The following FMNL1 variants were observed in gnomAD, a reference collection of about 807,000 sequenced individuals.
FMNL1 encodes formin like 1.
A neutral mutation model predicts 121.3 loss-of-function variants in FMNL1; 43 were observed. The ratio of observed to expected loss-of-function variants is 0.35; its 90% CI spans 0.28 to 0.46. The LOEUF is 0.46. Ranked by LOEUF, FMNL1 falls within the 20% of genes least tolerant of loss-of-function variation. The pLI, the probability that FMNL1 is intolerant of heterozygous loss-of-function variation, is 1.00. For synonymous variants in FMNL1, 613 were observed against 613.5 expected (o/e 1.00, Z 0.01); for missense variants, 1,191 against 1,482.4 (o/e 0.80, Z 3.23).
Position 45,237,418 on chromosome 17 carries a change from C to T in FMNL1, c.800+61C>T, listed in dbSNP as rs2043575386. The T allele has an allele frequency of 6.2e-7, 1 of 1,610,224 alleles. No homozygotes were observed. Among genetic ancestry groups the T allele is most frequent in the East Asian group, 2.2e-5 (1 of 44,878 alleles). ...GAGTCTTCTCCTACTTAGCCCCTTG[C>T]TTACTCTGTCCTCCAGGTCTCAGAG... is the stretch of plus-strand genomic sequence containing the variant. On this transcript the variant is annotated intron_variant, in intron 8 of 26. Coordinates refer to ENST00000331495, the MANE Select transcript of FMNL1 (RefSeq NM_005892.4). The surrounding 1 kb of genome is among the most constrained non-coding windows in gnomAD (Gnocchi z 4.4).
At chr17:45,235,735 A>C (rs1447856748) in intron 6 of FMNL1, among the ~76,000 whole-genome samples, 2 of 152,164 alleles carry the variant, frequency 1.3e-5, no homozygotes, top group Non-Finnish European at 2.9e-5. Context: ...AGGGATAGGG[A>C]GATTAAGTGA....
At position 45,241,052 on chromosome 17, in the gene FMNL1, A is replaced by T; in HGVS notation, c.1231-77A>T. On this transcript the variant is annotated intron_variant, in intron 12 of 26. Coordinates refer to ENST00000331495, the MANE Select transcript of FMNL1 (RefSeq NM_005892.4). The surrounding 1 kb of genome is among the most constrained non-coding windows in gnomAD (Gnocchi z 7.0). ...GCCTCCCCCAGTCTTCCAGGCAGGCATGCCTGATGCCGCCCCCTCACCGGC... is the reference window on the plus strand; with the variant it reads ...GCCTCCCCCAGTCTTCCAGGCAGGCTTGCCTGATGCCGCCCCCTCACCGGC... The T allele has an allele frequency of 3.8e-6, 6 of 1,564,174 alleles. No homozygotes were observed. Among genetic ancestry groups the T allele is most frequent in the Non-Finnish European group, 5.3e-6 (6 of 1,142,516 alleles).
At chr17:45,234,509 C>T (rs2043508805) in intron 6 of FMNL1, 34 of 366,790 alleles carry the variant, frequency 9.3e-5, no homozygotes, top group South Asian at 7.3e-4. Flanking sequence ...TACTAAAATA[C>T]AAAAATTAGC....
At chr17:45,222,648 T>C (rs1424801753) in intron 1 of FMNL1, among the ~76,000 whole-genome samples, 1 of 151,946 alleles carries the variant, frequency 6.6e-6, no homozygotes, top group Non-Finnish European at 1.5e-5. Context: ...GAGTCAAAGA[T>C]GAAAGGGTTA....
At position 45,242,088 on chromosome 17, in the gene FMNL1, G is replaced by A. The variant is rs187366121; in HGVS notation, c.1827G>A (p.Pro609=). The change falls in exon 15 of 27, where the codon CCG becomes CCA. Residue 609 remains proline, a synonymous_variant. Coordinates refer to ENST00000331495, the MANE Select transcript of FMNL1 (RefSeq NM_005892.4). The part of the protein sequence containing the change: ...GPVPPPPPPP[P]PPPGGPPDAL... ...TGCCTCCGCCGCCGCCGCCGCCGCC[G>A]CCGCCTCCCGGAGGTCCTCCTGATG... is the stretch of plus-strand genomic sequence containing the variant. 1,101 of 1,482,196 alleles carry A rather than the reference G, an allele frequency of 7.4e-4. 7 individuals carry two copies. In the African/African-American group the frequency reaches 0.014, roughly 19 times the overall value. 91.8% of individuals were successfully genotyped at this position (1,482,196 alleles called of 1,614,324 possible).
rs1401363805 is a variant in FMNL1 at position 45,222,215 on chromosome 17, G to A, written c.91G>A (p.Ala31Thr). The change falls in exon 1 of 27, where the codon GCG (alanine) becomes ACG (threonine). Residue 31 changes from alanine to threonine, a missense_variant. Coordinates refer to ENST00000331495, the MANE Select transcript of FMNL1 (RefSeq NM_005892.4). ...QPAPPKQPMP[A>T]AGELEERFNR... ...CGCGCCTCCCAAGCAGCCGATGCCCGCGGCCGGAGAGCTGGAGGAGAGGTT... is the reference window on the plus strand; with the variant it reads ...CGCGCCTCCCAAGCAGCCGATGCCCACGGCCGGAGAGCTGGAGGAGAGGTT... 2 of 1,239,642 alleles carry A rather than the reference G, an allele frequency of 1.6e-6. No individual in the cohort carries two copies. The highest frequency in any genetic ancestry group is 2.5e-5 in the South Asian group (1 of 39,758). The allele number at this position is 1,239,642 out of a possible 1,614,324, so 76.8% of individuals were successfully genotyped here.
chr17:45,232,861 C>G (rs752261914), intron 3 of FMNL1: 15 of 556,540 alleles, frequency 2.7e-5, no homozygotes, highest in Non-Finnish European at 4.5e-5. Context: ...GTGTGTGTGT[C>G]CATGTATGGA....
chr17:45,240,713 A>T (rs2043669310), intron 12 of FMNL1, 88 bp downstream of exon 12: 1 of 1,495,856 alleles, frequency 6.7e-7, no homozygotes, highest in South Asian at 1.3e-5. Context: ...GGCACTGGGC[A>T]GCAGACAGTG....
At chr17:45,239,289 A>G in intron 11 of FMNL1, 1 of 551,850 alleles carries the variant, frequency 1.8e-6, no homozygotes, top group Non-Finnish European at 3.3e-6. Context: ...CTAAATGCAT[A>G]GACCAGTGCC....
Position 45,236,051 on chromosome 17 carries a change from C to T in FMNL1, c.615-85C>T, listed in dbSNP as rs2064094191. ...GTGCCGTCAGGTTCCAGATGTGCCTCCTCTTACCCCAGAGGCTGAGTGGTG... is the reference window on the plus strand; with the variant it reads ...GTGCCGTCAGGTTCCAGATGTGCCTTCTCTTACCCCAGAGGCTGAGTGGTG... On this transcript the variant is annotated intron_variant, in intron 6 of 26. Coordinates refer to ENST00000331495, the MANE Select transcript of FMNL1 (RefSeq NM_005892.4). 6.2e-6 allele frequency: 7 copies of T among 1,137,968 alleles called. No homozygotes were observed. The Admixed American group carries it at 1.4e-4, about 24-fold the overall frequency. The allele number at this position is 1,137,968 out of a possible 1,614,324, so 70.5% of individuals were successfully genotyped here.
Position 45,233,830 on chromosome 17 carries a change from G to T in FMNL1, c.485+99G>T. On this transcript the variant is annotated intron_variant, in intron 5 of 26. Coordinates refer to ENST00000331495, the MANE Select transcript of FMNL1 (RefSeq NM_005892.4). This position sits in a 1 kb window ranked among gnomAD's most constrained non-coding sequence, Gnocchi z 4.1. ...CCCCTGGCCAGTTTCAAGCCAGGCA[G>T]CCCGAGCCTACCCTGGAACCCTCCA... is the stretch of plus-strand genomic sequence containing the variant. 1 of 1,491,086 alleles carries T rather than the reference G, an allele frequency of 6.7e-7. No homozygotes were observed. 92.4% of individuals were successfully genotyped at this position (1,491,086 alleles called of 1,614,324 possible). A position where few individuals can be genotyped will look rare whatever the true frequency, so the allele number is the denominator to read the frequency against.
chr17:45,239,625 T>G (rs2043635301), intron 11 of FMNL1, among the ~76,000 whole-genome samples: 1 of 152,132 alleles, frequency 6.6e-6, no homozygotes, highest in South Asian at 2.1e-4. Context: ...GTTGGATTTT[T>G]GAAAGCCAGG....
intron 1 of FMNL1, among the ~76,000 whole-genome samples, chr17:45,227,425 G>T (rs1293829227): frequency 6.6e-6 from 1 of 152,074 alleles, no homozygotes; most frequent in African/African-American, 2.4e-5. Flanking sequence ...TCACACTCAG[G>T]GCAGGGAGGG....
rs768810674 is a variant in FMNL1 at position 45,246,250 on chromosome 17, C to G, written c.3131C>G (p.Ser1044Cys). The change falls in exon 25 of 27, where the codon TCT becomes TGT. Residue 1044 changes from serine to cysteine, a missense_variant. This residue lies in a region of FMNL1 where 367 missense variants were observed against 528.6 expected (regional missense o/e 0.69). Coordinates refer to ENST00000331495, the MANE Select transcript of FMNL1 (RefSeq NM_005892.4). ...CGGCGGCCACAGATGGACCTCATCT[C>G]TGAGCTGAAACGGAGGCAGCAGAAG... The part of the protein sequence containing the change: ...KARRPQMDLI[S>C]ELKRRQQKEP... 1 of 1,613,940 alleles carries G rather than the reference C, an allele frequency of 6.2e-7. No individual in the cohort carries two copies. Among genetic ancestry groups the G allele is most frequent in the South Asian group, 1.1e-5 (1 of 91,088 alleles).
At chr17:45,224,738 A>G (rs1439870289) in intron 1 of FMNL1, among the ~76,000 whole-genome samples, 1 of 152,224 alleles carries the variant, frequency 6.6e-6, no homozygotes, top group Non-Finnish European at 1.5e-5. Context: ...GAAAGCTGTG[A>G]AAGAAAGGGG....
At chr17:45,224,299 T>C (rs1250335208) in intron 1 of FMNL1, among the ~76,000 whole-genome samples, 2 of 152,162 alleles carry the variant, frequency 1.3e-5, no homozygotes, top group East Asian at 3.9e-4. Flanking sequence ...GACCTCTGCC[T>C]GAGGCTGCCC....
At position 45,233,069 on chromosome 17, in the gene FMNL1, G is replaced by A. The variant is rs1342808276; in HGVS notation, c.328-155G>A. On this transcript the variant is annotated intron_variant, in intron 3 of 26. Transcript: ENST00000331495. This position sits in a 1 kb window ranked among gnomAD's most constrained non-coding sequence, Gnocchi z 4.1. ...GTAGCCTGTGAGTTCTTATTCTGCT[G>A]GGCAGGTGTGTGGAGGTGGTGGGGG... 2.8e-6 allele frequency: 2 copies of A among 725,066 alleles called. No individual in the cohort carries two copies. Among genetic ancestry groups the A allele is most frequent in the South Asian group, 3.0e-5 (2 of 67,240 alleles). The allele number at this position is 725,066 out of a possible 1,614,324, so 44.9% of individuals were successfully genotyped here. A position where few individuals can be genotyped will look rare whatever the true frequency, so the allele number is the denominator to read the frequency against.
At position 45,231,152 on chromosome 17, in the gene FMNL1, G is replaced by T. The variant is rs1272118465; in HGVS notation, c.213+465G>T. 6.6e-6 allele frequency among the ~76,000 whole-genome samples: 1 copy of T among 152,258 alleles called. No homozygotes were observed. Among genetic ancestry groups the T allele is most frequent in the African/African-American group, 2.4e-5 (1 of 41,476 alleles). ...GTTGACCAGCAACTCCCCAAGGCCA[G>T]CCACTTTGGACCCCTGCTTTGGTGC... On this transcript the variant is annotated intron_variant, in intron 2 of 26. Coordinates refer to ENST00000331495, the MANE Select transcript of FMNL1 (RefSeq NM_005892.4). This position sits in a 1 kb window ranked among gnomAD's most constrained non-coding sequence, Gnocchi z 4.7.
intron 9 of FMNL1, 175 bp from the exon 10 acceptor site, chr17:45,238,389 A>G (rs768395967): frequency 1.4e-5 from 9 of 628,474 alleles, no homozygotes; most frequent in Non-Finnish European, 2.5e-5. Context: ...GCCAGAGTGG[A>G]AAAAGTGAGG....
Sources: gnomAD v4.1 joint callset for allele counts (sites outside exome capture counted in the v4.1 genomes callset) on GRCh38, gnomAD v4.1.1 for gene constraint, gnomAD v4.1.1 regional missense constraint, Gnocchi (gnomAD v3.1) non-coding constraint, MANE v1.5 for transcripts, NCBI Gene and HGNC (gene_info 2026-07-23, HGNC 2026-07-21) for gene names.